The following DNAJC13 variants were observed in gnomAD, a reference collection of about 807,000 sequenced individuals.
The protein encoded by DNAJC13 is DnaJ heat shock protein family (Hsp40) member C13.
DNAJC13 carries 75 observed loss-of-function variants against 290.5 expected under a neutral mutation model. The ratio of observed to expected loss-of-function variants is 0.26; its 90% CI spans 0.21 to 0.31. The LOEUF is 0.31. Ranked by LOEUF, DNAJC13 falls within the 10% of genes least tolerant of loss-of-function variation. The probability of loss-of-function intolerance (pLI) is 1.00; values close to 1 mark genes in which losing one functional copy is unlikely to be tolerated. For missense variants in DNAJC13, 2,260 were observed against 2,674.5 expected, an observed-to-expected ratio of 0.85 and a Z score of 3.42; for synonymous variants, 862 against 892.0, an observed-to-expected ratio of 0.97 and a Z score of 0.60.
At chr3:132,525,480 T>C (rs752192217) in intron 51 of DNAJC13, 130 bp from the exon 52 acceptor site, 65 of 849,710 alleles carry the variant, frequency 7.6e-5, no homozygotes, top group Non-Finnish European at 1.1e-4. Flanking sequence ...TTAGGATTAG[T>C]GAATCTGTTT....
At position 132,482,376 on chromosome 3, in the gene DNAJC13, A is replaced by G. The variant is rs552755775; in HGVS notation, c.2979+46A>G. On this transcript the variant is annotated intron_variant, in intron 27 of 55. Coordinates refer to ENST00000260818, the MANE Select transcript of DNAJC13 (RefSeq NM_015268.4). Reference sequence around the variant, plus strand: ...TTTGGTGAAGGTCTCAGCATTTCTTATGCCCTCCTGCTTAGCACTTACAGA... The same window carrying G: ...TTTGGTGAAGGTCTCAGCATTTCTTGTGCCCTCCTGCTTAGCACTTACAGA... 8 of 1,470,468 alleles carry G rather than the reference A, an allele frequency of 5.4e-6. No homozygotes were observed. In the South Asian group the frequency reaches 6.9e-5, roughly 13 times the overall value. The allele number at this position is 1,470,468 out of a possible 1,614,324, so 91.1% of individuals were successfully genotyped here.
chr3:132,438,813 G>A (rs891540351), intron 2 of DNAJC13, among the ~76,000 whole-genome samples: 2 of 152,192 alleles, frequency 1.3e-5, no homozygotes, highest in African/African-American at 2.4e-5. Flanking sequence ...CTTCTTCTGC[G>A]CTTTTCATTT....
In DNAJC13 at chr3:132,496,603, C is replaced by A. The variant is rs963657907; in HGVS notation, c.4096C>A (p.Pro1366Thr). The A allele has an allele frequency of 1.2e-6, 2 of 1,611,046 alleles. No homozygotes were observed. Among genetic ancestry groups the A allele is most frequent in the African/African-American group, 1.3e-5 (1 of 74,774 alleles). ...AGCAAAAATAGTGGATGGGCCAGAT[C>A]CAGAGAATATAATTTTAATTCTAAA... ...KSAKIVDGPD[P>T]ENIILILKTQ... Residue 1366 changes from proline (P) to threonine (T), a missense_variant, in exon 36 of 56, where the codon CCA becomes ACA. By Grantham distance (38) the Pro-to-Thr change is conservative. Transcript: ENST00000260818.
At chr3:132,422,638 CT>C (rs1051118262) in intron 1 of DNAJC13, among the ~76,000 whole-genome samples, 8 of 152,156 alleles carry the variant, frequency 5.3e-5, no homozygotes, top group African/African-American at 1.7e-4. Context: ...AGTTAGATTT[CT>C]TTGTAACAAA....
intron 38 of DNAJC13, 104 bp from the exon 39 acceptor site, chr3:132,500,690 A>C: frequency 6.8e-7 from 1 of 1,466,366 alleles, no homozygotes; most frequent in South Asian, 1.2e-5. Context: ...TGTATATACC[A>C]TTAAGCATTA....
At chr3:132,482,190 GC>G in intron 26 of DNAJC13, 35 bp from the exon 27 acceptor site, 1 of 1,568,290 alleles carries the variant, frequency 6.4e-7, no homozygotes, top group Non-Finnish European at 8.7e-7. Context: ...TTAGATTTCT[GC>G]CTTGGAAAAT....
chr3:132,509,380 T>C (rs1045670598), intron 43 of DNAJC13, among the ~76,000 whole-genome samples: 1 of 152,208 alleles, frequency 6.6e-6, no homozygotes, highest in African/African-American at 2.4e-5. Context: ...GCAATCTCAT[T>C]ATAAAACTTG....
chr3:132,458,433 C>T (rs1424828469), intron 13 of DNAJC13: 5 of 152,050 alleles, frequency 3.3e-5, no homozygotes, highest in Non-Finnish European at 4.4e-5. Flanking sequence ...TTGCTTTATT[C>T]GAACAAAAGA....
Position 132,477,206 on chromosome 3 carries a change from G to C in DNAJC13, c.2446-583G>C, listed in dbSNP as rs1016984579. Among the ~76,000 whole-genome samples, 59 of 152,164 alleles carry C rather than the reference G, an allele frequency of 3.9e-4. 1 individual carries two copies. The highest frequency in any genetic ancestry group is 5.7e-4 in the Non-Finnish European group (39 of 68,020). ...TTTTAGACTTCGGAAAAAGAATTCT[G>C]ATCTGGGAATTCCTTTTTATAATTG... On this transcript the variant is annotated intron_variant, in intron 22 of 55. Coordinates refer to ENST00000260818, the MANE Select transcript of DNAJC13 (RefSeq NM_015268.4).
chr3:132,492,738 C>T lies in DNAJC13; in HGVS notation c.3825+123C>T, dbSNP rs1021520856. ...TTTCTTAAGTATTCCTTCTTAAGCA[C>T]TAAGCACTGTGTGACTCTGAGTATA... On this transcript the variant is annotated intron_variant, in intron 33 of 55. Transcript: ENST00000260818. The T allele has an allele frequency of 5.1e-6, 4 of 787,886 alleles. No homozygotes were observed. In the African/African-American group the frequency reaches 6.9e-5, roughly 14 times the overall value. The allele number at this position is 787,886 out of a possible 1,614,324, so 48.8% of individuals were successfully genotyped here.
In DNAJC13 at chr3:132,456,754, A is replaced by C. The variant is rs1933611987; in HGVS notation, c.1271A>C (p.Glu424Ala). 6.2e-7 allele frequency: 1 copy of C among 1,613,998 alleles called. No homozygotes were observed. The highest frequency in any genetic ancestry group is 1.1e-5 in the South Asian group (1 of 91,086). ...GGGGATGTCGTTGCTTCAAATGCGG[A>C]ACTTGAGAGTCAGTTCCAGGCTGTG... The part of the protein sequence containing the change: ...QEGDVVASNA[E>A]LESQFQAVRR... The change falls in exon 12 of 56, where the codon GAA (glutamate) becomes GCA (alanine). Residue 424 changes from glutamate to alanine, a missense_variant. Physicochemically the swap from Glu to Ala is moderately radical, Grantham distance 107. This residue lies in a region of DNAJC13 where 762 missense variants were observed against 964.1 expected (regional missense o/e 0.79). Transcript: ENST00000260818.
chr3:132,484,744 T>C (rs1056598659), intron 29 of DNAJC13, 72 bp downstream of exon 29: 14 of 1,377,076 alleles, frequency 1.0e-5, no homozygotes, highest in Non-Finnish European at 1.2e-5. Context: ...AGTACCAGTC[T>C]TTGTTTTGTT....
chr3:132,519,542 TC>T (rs1211016077), intron 48 of DNAJC13, among the ~76,000 whole-genome samples: 4 of 152,308 alleles, frequency 2.6e-5, no homozygotes, highest in African/African-American at 9.6e-5. Flanking sequence ...TTTCACATTT[TC>T]CTGATTGTTT....
At chr3:132,501,943 A>G (rs1034252477) in intron 39 of DNAJC13, among the ~76,000 whole-genome samples, 2 of 152,264 alleles carry the variant, frequency 1.3e-5, no homozygotes, top group Non-Finnish European at 2.9e-5. Flanking sequence ...TGCACAAAAT[A>G]TGTCGTTACA....
intron 42 of DNAJC13, among the ~76,000 whole-genome samples, chr3:132,506,045 CTTTTTT>C (rs573857472): frequency 8.3e-5 from 6 of 72,676 alleles, no homozygotes; most frequent in South Asian, 7.7e-4. Flanking sequence ...TGTACATTAT[CTTTTTT>C]TTTTTTTTTT....
At position 132,516,834 on chromosome 3, in the gene DNAJC13, T is replaced by TGC; in HGVS notation, c.5673+18_5673+19insGC. On this transcript the variant is annotated intron_variant, in intron 48 of 55. Coordinates refer to ENST00000260818, the MANE Select transcript of DNAJC13 (RefSeq NM_015268.4). ...GTCCAAAGGTAGGCACAAAATAAGT[T>TGC]CTTGAAAGGAAATTAATTATTAAAG... is the stretch of plus-strand genomic sequence containing the variant. 2.6e-6 allele frequency: 4 copies of TGC among 1,566,518 alleles called. No homozygotes were observed. The South Asian group carries it at 4.6e-5, about 18-fold the overall frequency.
At position 132,453,947 on chromosome 3, in the gene DNAJC13, T is replaced by G. The variant is rs533887358; in HGVS notation, c.841-119T>G. ...ATTTTAAAGTTTTAAACTCTTATAT[T>G]GTAAACAAGTCACATCTTAAAATAC... On this transcript the variant is annotated intron_variant, in intron 8 of 55. Transcript: ENST00000260818. 2.3e-4 allele frequency: 202 copies of G among 864,952 alleles called. 2 individuals are homozygous for G. The South Asian group carries it at 2.8e-3, about 12-fold the overall frequency. The allele number at this position is 864,952 out of a possible 1,614,324, so 53.6% of individuals were successfully genotyped here.
At chr3:132,472,129 G>C (rs544955543) in intron 20 of DNAJC13, among the ~76,000 whole-genome samples, 1 of 147,930 alleles carries the variant, frequency 6.8e-6, no homozygotes, top group Non-Finnish European at 1.5e-5. Context: ...GCAGGCACTC[G>C]GCAGGCTGAG....
At chr3:132,427,032 A>G (rs1262441662) in intron 1 of DNAJC13, among the ~76,000 whole-genome samples, 1 of 151,288 alleles carries the variant, frequency 6.6e-6, no homozygotes, top group Non-Finnish European at 1.5e-5. Flanking sequence ...ATGATTTTTA[A>G]AAATTTCATC....
Sources: gnomAD v4.1 joint callset for allele counts (sites outside exome capture counted in the v4.1 genomes callset) on GRCh38, gnomAD v4.1.1 for gene constraint, gnomAD v4.1.1 regional missense constraint, MANE v1.5 for transcripts, NCBI Gene and HGNC (gene_info 2026-07-23, HGNC 2026-07-21) for gene names.